SLC6A12: variants seen among roughly 807,000 people sequenced by gnomAD.
The protein encoded by SLC6A12 is sodium- and chloride-dependent betaine transporter.
A neutral mutation model predicts 73.3 loss-of-function variants in SLC6A12; 50 were observed. The observed-to-expected ratio is 0.68, with a 90% CI of 0.54 to 0.86. The LOEUF (loss-of-function observed/expected upper bound fraction) is 0.86, where lower values mean the gene tolerates loss of function less well. SLC6A12 is among the 40% of genes least tolerant of loss of function. The probability of loss-of-function intolerance (pLI) is 0.00; values close to 1 mark genes in which losing one functional copy is unlikely to be tolerated. For missense variants in SLC6A12, 648 were observed against 772.8 expected, an observed-to-expected ratio of 0.84 and a Z score of 1.92; for synonymous variants, 304 against 309.2, an observed-to-expected ratio of 0.98 and a Z score of 0.18.
chr12:192,955 G>A (rs901205252), intron 14 of SLC6A12: 7 of 493,388 alleles, frequency 1.4e-5, no homozygotes, highest in Admixed American at 3.3e-5. Flanking sequence ...GGAGACAGGG[G>A]GTGATACAAA....
chr12:196,405 G>T, intron 11 of SLC6A12, 144 bp from the exon 12 acceptor site: 2 of 984,856 alleles, frequency 2.0e-6, no homozygotes, highest in South Asian at 1.7e-5. Context: ...GGGTGCCCTG[G>T]GGTGAGCCAA....
At chr12:201,354 T>G (rs1591793751) in intron 6 of SLC6A12, 1 of 217,680 alleles carries the variant, frequency 4.6e-6, no homozygotes, top group South Asian at 7.6e-5. Flanking sequence ...GAGTGGAGGG[T>G]GTGCCCATGT....
downstream of SLC6A12, among the ~76,000 whole-genome samples, chr12:185,140 A>G (rs1939409305): frequency 6.6e-6 from 1 of 152,162 alleles, no homozygotes; most frequent in Admixed American, 6.5e-5. Flanking sequence ...AAGAACCAAG[A>G]GGAAAACAAC....
chr12:195,134 G>A, intron 13 of SLC6A12, 91 bp downstream of exon 13: 2 of 792,974 alleles, frequency 2.5e-6, no homozygotes, highest in Non-Finnish European at 4.5e-6. Flanking sequence ...CAGGGGACCA[G>A]AGAACGGCCT....
At chr12:186,116 C>T (rs1939424528), downstream of SLC6A12, among the ~76,000 whole-genome samples, 1 of 151,992 alleles carries the variant, frequency 6.6e-6, no homozygotes, top group African/African-American at 2.4e-5. Context: ...GGCAGAGAGG[C>T]AGGAGGCTCA....
At chr12:187,133 C>T (rs1591772118), downstream of SLC6A12, among the ~76,000 whole-genome samples, 1 of 152,340 alleles carries the variant, frequency 6.6e-6, no homozygotes, top group Middle Eastern at 3.4e-3. Context: ...TCAATTTTTT[C>T]ATGCCACACT....
intron 4 of SLC6A12, 119 bp downstream of exon 4, chr12:204,445 C>G: frequency 9.9e-7 from 1 of 1,011,460 alleles, no homozygotes; most frequent in Non-Finnish European, 1.5e-6. Flanking sequence ...CTGCACTTGG[C>G]GCAGGATATG....
chr12:185,999 G>A (rs140355249), downstream of SLC6A12, among the ~76,000 whole-genome samples: 645 of 152,330 alleles, frequency 4.2e-3, 4 homozygotes, highest in African/African-American at 0.011. Flanking sequence ...ATGCGAGCAC[G>A]GAGGTGGCAG....
At chr12:196,720 G>T (rs1939885578) in intron 11 of SLC6A12, 50 bp downstream of exon 11, 1 of 1,318,842 alleles carries the variant, frequency 7.6e-7, no homozygotes, top group East Asian at 2.3e-5. Flanking sequence ...ACAAGCAAAG[G>T]CTTGCAAGAG....
downstream of SLC6A12, among the ~76,000 whole-genome samples, chr12:187,581 CAA>C (rs1939453343): frequency 1.3e-5 from 1 of 78,150 alleles, no homozygotes; most frequent in Non-Finnish European, 2.3e-5. Flanking sequence ...AGATTTACTG[CAA>C]AAGAGCAAAA....
downstream of SLC6A12, among the ~76,000 whole-genome samples, chr12:187,658 A>G (rs12304622): frequency 2.1e-5 from 3 of 141,234 alleles, no homozygotes; most frequent in South Asian, 2.4e-4. Flanking sequence ...CACCCACTGC[A>G]CACAACGCGA....
chr12:196,951 C>T, intron 10 of SLC6A12, 69 bp from the exon 11 acceptor site: 4 of 1,049,470 alleles, frequency 3.8e-6, no homozygotes, highest in Non-Finnish European at 5.9e-6. Flanking sequence ...AGGCGTCTCT[C>T]TAAGCACTGT....
chr12:195,492 GC>G (rs1939820022), intron 12 of SLC6A12, among the ~76,000 whole-genome samples, 165 bp from the exon 13 acceptor site: 1 of 152,040 alleles, frequency 6.6e-6, no homozygotes, highest in Non-Finnish European at 1.5e-5. Context: ...CTGCCTTCAG[GC>G]CCCCCAGTCA....
intron 14 of SLC6A12, 71 bp downstream of exon 14, chr12:193,206 C>T (rs1395026117): frequency 8.3e-6 from 9 of 1,090,056 alleles, no homozygotes; most frequent in Non-Finnish European, 1.3e-5. Context: ...TGCATGTCAG[C>T]CGTCCTTTCC....
Position 193,292 on chromosome 12 carries a change from G to T in SLC6A12, c.1515C>A (p.Thr505=). 1 of 1,612,576 alleles carries T rather than the reference G, an allele frequency of 6.2e-7. No individual in the cohort carries two copies. The change falls in exon 14 of 16, where the codon ACC becomes ACA. Residue 505 remains threonine, a synonymous_variant. Transcript: ENST00000684302. ...PLVKISWLFL[T]PGLCLATFLF... ...GGGCACATACCAGGCAAAGTCCAGG[G>T]GTCAGGAAGAGCCAGGAGATCTTCA...
At position 210,487 on chromosome 12, in the gene SLC6A12, T is replaced by C. The variant is rs566027022; in HGVS notation, c.-57-444A>G. On this transcript the variant is annotated intron_variant, in intron 2 of 15. Coordinates refer to ENST00000684302, the MANE Select transcript of SLC6A12 (RefSeq NM_001122848.3). ...AACGGGCAGGTGTGGCCGAAGTGAC[T>C]GCATGGTTCTCTCCTAGCCAGCTGT... The C allele has an allele frequency of 1.9e-5, 14 of 745,806 alleles. No homozygotes were observed. The African/African-American group carries it at 2.1e-4, about 11-fold the overall frequency. 46.2% of individuals were successfully genotyped at this position (745,806 alleles called of 1,614,324 possible).
intron 11 of SLC6A12, among the ~76,000 whole-genome samples, chr12:196,537 G>T (rs930178035): frequency 3.9e-5 from 6 of 152,200 alleles, no homozygotes; most frequent in African/African-American, 1.4e-4. Context: ...GAACATCTGG[G>T]AGGAAACATC....
At chr12:185,417 G>A (rs1006654846), downstream of SLC6A12, among the ~76,000 whole-genome samples, 1 of 152,232 alleles carries the variant, frequency 6.6e-6, no homozygotes, top group Non-Finnish European at 1.5e-5. Context: ...TGCCCACTTC[G>A]AGTCCCTCAT....
At chr12:186,992 T>G (rs139347264), downstream of SLC6A12, among the ~76,000 whole-genome samples, 2,531 of 152,290 alleles carry the variant, frequency 0.017, 44 homozygotes, top group Middle Eastern at 0.092. Flanking sequence ...CTGCCCAAAG[T>G]TCTCACTTTC....
Sources: gnomAD v4.1 joint callset for allele counts (sites outside exome capture counted in the v4.1 genomes callset) on GRCh38, gnomAD v4.1.1 for gene constraint, MANE v1.5 for transcripts, NCBI Gene and HGNC (gene_info 2026-07-23, HGNC 2026-07-21) for gene names.